PTAR1: variants seen among roughly 807,000 people sequenced by gnomAD.
PTAR1 encodes the protein protein prenyltransferase alpha subunit repeat-containing protein 1.
A neutral mutation model predicts 45.5 loss-of-function variants in PTAR1; 17 were observed. The ratio of observed to expected loss-of-function variants is 0.37; its 90% confidence interval spans 0.26 to 0.56. The LOEUF is 0.56. Among genes scored for constraint, PTAR1 ranks in the 20% least tolerant of loss-of-function variants. PTAR1 has a pLI of 0.77. For synonymous variants in PTAR1, 169 were observed against 171.3 expected (o/e 0.99, Z 0.11); for missense variants, 391 against 476.3 (o/e 0.82, Z 1.67).
rs780037069 is a variant in PTAR1 at position 69,750,805 on chromosome 9, T to C, written c.232A>G (p.Arg78Gly). Reference sequence around the variant, plus strand: ...CCATCTCTGTTCAGCCATTGCTTTCTTGTTCTGTACAAAAGGAGCTTGTTG... The same window carrying C: ...CCATCTCTGTTCAGCCATTGCTTTCCTGTTCTGTACAAAAGGAGCTTGTTG... ...VHNKLLLYRT[R>G]KQWLNRDELI... Residue 78 changes from arginine (R) to glycine (G), a missense_variant, in exon 2 of 8, where the codon AGA (arginine) becomes GGA (glycine). Physicochemically the swap from Arg to Gly is moderately radical, Grantham distance 125. This residue lies in a region of PTAR1 where 152 missense variants were observed against 160.0 expected (regional missense o/e 0.95). Coordinates refer to ENST00000340434, the MANE Select transcript of PTAR1 (RefSeq NM_001099666.2). The C allele has an allele frequency of 2.2e-5, 35 of 1,609,848 alleles. No individual in the cohort carries two copies. The highest frequency in any genetic ancestry group is 3.0e-5 in the Non-Finnish European group (35 of 1,178,184).
At chr9:69,742,455 C>T (rs1826084463) in intron 2 of PTAR1, among the ~76,000 whole-genome samples, 1 of 152,064 alleles carries the variant, frequency 6.6e-6, no homozygotes, top group African/African-American at 2.4e-5. Flanking sequence ...ATAACAATCC[C>T]TTAGTCCTAT....
At chr9:69,720,113 G>T (rs895436700) in intron 6 of PTAR1, among the ~76,000 whole-genome samples, 1 of 152,200 alleles carries the variant, frequency 6.6e-6, no homozygotes, top group African/African-American at 2.4e-5. Flanking sequence ...TCAAAAGCTA[G>T]AAATGATTAA....
At chr9:69,748,608 C>T (rs894899141) in intron 2 of PTAR1, among the ~76,000 whole-genome samples, 3 of 152,068 alleles carry the variant, frequency 2.0e-5, no homozygotes, top group Non-Finnish European at 4.4e-5. Flanking sequence ...CACAGACAGA[C>T]ATTCAGAAAC....
chr9:69,726,574 T>C (rs1292667208), intron 5 of PTAR1, among the ~76,000 whole-genome samples: 2 of 152,032 alleles, frequency 1.3e-5, no homozygotes, highest in African/African-American at 2.4e-5. Context: ...GTATAATTTA[T>C]ACTCCTATTG....
chr9:69,716,252 C>T lies in PTAR1; in HGVS notation c.*2090G>A, dbSNP rs1564122217. 6.6e-6 allele frequency: 1 copy of T among 151,890 alleles called. No homozygotes were observed. The highest frequency in any genetic ancestry group is 2.4e-5 in the African/African-American group (1 of 41,350). The allele number at this position is 151,890 out of a possible 1,614,324, so 9.4% of individuals were successfully genotyped here. On this transcript the variant is annotated 3_prime_UTR_variant, in exon 8 of 8. Coordinates refer to ENST00000340434, the MANE Select transcript of PTAR1 (RefSeq NM_001099666.2). The stretch of plus-strand genomic sequence containing the variant: ...CATGTCTTCTCTGTGTAGTTTGCCC[C>T]CAAACACTCACAGGAGCTAAAAATC...
At position 69,714,695 on chromosome 9, in the gene PTAR1, G is replaced by A. The variant is rs866369882; in HGVS notation, c.*3647C>T. ...TTATTTAAAAATTTAAGTACTTTTA[G>A]AGATAACCTGTATATATTTAACCCT... On this transcript the variant is annotated 3_prime_UTR_variant, in exon 8 of 8. Transcript: ENST00000340434. 1 of 152,102 alleles carries A rather than the reference G, an allele frequency of 6.6e-6. No homozygotes were observed. Among genetic ancestry groups the A allele is most frequent in the South Asian group, 2.1e-4 (1 of 4,818 alleles). The allele number at this position is 152,102 out of a possible 1,614,324, so 9.4% of individuals were successfully genotyped here.
In PTAR1 at chr9:69,734,258, T is replaced by TGAA; in HGVS notation, c.324-5_324-4insTTC. On this transcript the variant is annotated splice_polypyrimidine_tract_variant and splice_region_variant and intron_variant, in intron 3 of 7. Coordinates refer to ENST00000340434, the MANE Select transcript of PTAR1 (RefSeq NM_001099666.2). ...GCCAGAGAGGATCAGCTCTTTCCTG[T>TGAA]AAAAAAAAAAAAAAAAAAAAAAAAA... The TGAA allele has an allele frequency of 4.8e-6, 1 of 206,930 alleles. No individual in the cohort carries two copies. Among genetic ancestry groups the TGAA allele is most frequent in the Non-Finnish European group, 8.0e-6 (1 of 124,730 alleles). 12.8% of individuals were successfully genotyped at this position (206,930 alleles called of 1,614,324 possible).
intron 6 of PTAR1, 108 bp from the exon 7 acceptor site, chr9:69,718,792 G>T: frequency 2.7e-6 from 2 of 736,594 alleles, no homozygotes; most frequent in Non-Finnish European, 4.3e-6. Context: ...TCAATTCACT[G>T]CCCATTTCAT....
chr9:69,734,984 T>C (rs1825718939), intron 3 of PTAR1, among the ~76,000 whole-genome samples: 2 of 152,188 alleles, frequency 1.3e-5, no homozygotes, highest in Admixed American at 1.3e-4. Context: ...AAACTTTTTG[T>C]TATTTTAAAA....
chr9:69,743,980 C>T (rs1323460014), intron 2 of PTAR1, among the ~76,000 whole-genome samples: 5 of 152,092 alleles, frequency 3.3e-5, no homozygotes, highest in African/African-American at 4.8e-5. Flanking sequence ...AAAGTGGTCA[C>T]GGCACCACCT....
chr9:69,730,217 G>A (rs934763444), intron 5 of PTAR1, among the ~76,000 whole-genome samples: 1 of 152,080 alleles, frequency 6.6e-6, no homozygotes, highest in South Asian at 2.1e-4. Flanking sequence ...CTCCAAGGGC[G>A]GGTCAAGGAA....
chr9:69,746,496 T>G (rs1169565085), intron 2 of PTAR1, among the ~76,000 whole-genome samples: 1 of 152,142 alleles, frequency 6.6e-6, no homozygotes, highest in Non-Finnish European at 1.5e-5. Flanking sequence ...TAATCAACGG[T>G]TGTAACTATT....
At chr9:69,729,098 T>C (rs1825416885) in intron 5 of PTAR1, among the ~76,000 whole-genome samples, 1 of 152,106 alleles carries the variant, frequency 6.6e-6, no homozygotes, top group Non-Finnish European at 1.5e-5. Flanking sequence ...GGCAGGTGGA[T>C]TGCTTGAGGT....
At chr9:69,756,789 T>C (rs1051524183) in intron 1 of PTAR1, among the ~76,000 whole-genome samples, 5 of 152,334 alleles carry the variant, frequency 3.3e-5, no homozygotes, top group African/African-American at 1.2e-4. Flanking sequence ...ATCCAACTTT[T>C]ACTATAAACT....
chr9:69,726,432 A>G (rs192780559), intron 5 of PTAR1, among the ~76,000 whole-genome samples: 25 of 152,224 alleles, frequency 1.6e-4, no homozygotes, highest in African/African-American at 3.4e-4. Flanking sequence ...CTACTCTTGT[A>G]TAAGTAACAC....
chr9:69,728,718 C>A (rs758669848), intron 5 of PTAR1, among the ~76,000 whole-genome samples: 1 of 152,068 alleles, frequency 6.6e-6, no homozygotes, highest in African/African-American at 2.4e-5. Context: ...TGCCACACTA[C>A]CCTCAAATAT....
chr9:69,753,991 G>A (rs1487914558), intron 1 of PTAR1, among the ~76,000 whole-genome samples: 2 of 152,162 alleles, frequency 1.3e-5, no homozygotes, highest in East Asian at 1.9e-4. Context: ...ATGGAAAGCC[G>A]AGGCAAAGAA....
At position 69,751,077 on chromosome 9, in the gene PTAR1, C is replaced by A. The variant is rs989214732; in HGVS notation, c.87-127G>T. ...TTCCTTACAAATATTATTTAGCTCA[C>A]TTACTGGGATTGGTAGATGCTAATA... On this transcript the variant is annotated intron_variant, in intron 1 of 7. Coordinates refer to ENST00000340434, the MANE Select transcript of PTAR1 (RefSeq NM_001099666.2). 4 of 690,560 alleles carry A rather than the reference C, an allele frequency of 5.8e-6. No individual in the cohort carries two copies. The South Asian group carries it at 8.2e-5, about 14-fold the overall frequency. The allele number at this position is 690,560 out of a possible 1,614,324, so 42.8% of individuals were successfully genotyped here. A position where few individuals can be genotyped will look rare whatever the true frequency, so the allele number is the denominator to read the frequency against.
rs181866797 is a variant in PTAR1, at chr9:69,714,415, T to C, written c.*3927A>G. The C allele has an allele frequency of 9.9e-5, 15 of 152,118 alleles. No homozygotes were observed. The highest frequency in any genetic ancestry group is 2.1e-4 in the Non-Finnish European group (14 of 68,008). The allele number at this position is 152,118 out of a possible 1,614,324, so 9.4% of individuals were successfully genotyped here. A position where few individuals can be genotyped will look rare whatever the true frequency, so the allele number is the denominator to read the frequency against. ...TCAGGGGAACTAAGGTAGGGATTAT[T>C]AGATTGTTGTACAGTAGGTGGTATC... is the stretch of plus-strand genomic sequence containing the variant. On this transcript the variant is annotated 3_prime_UTR_variant, in exon 8 of 8. Transcript: ENST00000340434.
Sources: gnomAD v4.1 joint callset for allele counts (sites outside exome capture counted in the v4.1 genomes callset) on GRCh38, gnomAD v4.1.1 for gene constraint, gnomAD v4.1.1 regional missense constraint, MANE v1.5 for transcripts, NCBI Gene and HGNC (gene_info 2026-07-23, HGNC 2026-07-21) for gene names.